Variants in VRTN observed in about 807,000 individuals in gnomAD.
VRTN encodes vertnin.
In VRTN, 5 loss-of-function variants were observed where a neutral mutation model predicts 18.2. That is an observed-to-expected ratio of 0.27 (90% CI 0.14 to 0.58). The LOEUF (loss-of-function observed/expected upper bound fraction) is 0.58. Ranked by LOEUF, VRTN falls within the 20% of genes least tolerant of loss-of-function variation. The probability of loss-of-function intolerance (pLI) is 0.91; values close to 1 mark genes in which losing one functional copy is unlikely to be tolerated. For missense variants in VRTN, 741 were observed against 939.4 expected (o/e 0.79, Z 2.76); for synonymous variants, 381 against 393.7 (o/e 0.97, Z 0.38).
intron 1 of VRTN, among the ~76,000 whole-genome samples, chr14:74,323,612 C>CA (rs926100306): frequency 2.7e-5 from 4 of 150,770 alleles, no homozygotes; most frequent in African/African-American, 7.3e-5. Context: ...AACAAACAAA[C>CA]AAAAAAAACC....
At chr14:74,328,917 C>G (rs947793464) in intron 1 of VRTN, among the ~76,000 whole-genome samples, 1 of 152,018 alleles carries the variant, frequency 6.6e-6, no homozygotes, top group African/African-American at 2.4e-5. Flanking sequence ...GGCGGATCAC[C>G]TGAGGTCAGG....
chr14:74,333,360 G>C (rs1176014481), intron 1 of VRTN, among the ~76,000 whole-genome samples: 1 of 152,072 alleles, frequency 6.6e-6, no homozygotes, highest in Non-Finnish European at 1.5e-5. Context: ...TCCAGCCTGG[G>C]CGACAGAGCG....
At chr14:74,340,812 G>A (rs139229970) in intron 2 of VRTN, among the ~76,000 whole-genome samples, 5,792 of 152,076 alleles carry the variant, frequency 0.038, 183 homozygotes, top group Admixed American at 0.11. Flanking sequence ...GTGCAGTGAC[G>A]CAATCTCAGC....
intron 1 of VRTN, among the ~76,000 whole-genome samples, chr14:74,328,872 C>G (rs187942635): frequency 6.6e-6 from 1 of 151,264 alleles, no homozygotes; most frequent in Non-Finnish European, 1.5e-5. Flanking sequence ...CAGTGGCTCA[C>G]GCCTGTAATC....
intron 2 of VRTN, among the ~76,000 whole-genome samples, chr14:74,339,729 G>A (rs1398552980): frequency 1.3e-5 from 2 of 152,084 alleles, no homozygotes; most frequent in Non-Finnish European, 2.9e-5. Context: ...CGGGAGGATC[G>A]ATTGAGCCCA....
At chr14:74,348,752 T>G (rs1033315031) in intron 1 of VRTN, 100 bp downstream of exon 1, 3 of 152,366 alleles carry the variant, frequency 2.0e-5, no homozygotes, top group South Asian at 4.1e-4. Context: ...GGGACCCTAC[T>G]GGGCCCAGGT....
chr14:74,346,835 AAC>A (rs2085647494), upstream of VRTN, among the ~76,000 whole-genome samples: 1 of 152,206 alleles, frequency 6.6e-6, no homozygotes, highest in African/African-American at 2.4e-5. Flanking sequence ...CTTTTTAAAA[AAC>A]ACTTTGAAAG....
intron 1 of VRTN, among the ~76,000 whole-genome samples, chr14:74,331,529 CA>C (rs1327886573): frequency 0.033 from 2,076 of 63,164 alleles, 135 homozygotes; most frequent in Admixed American, 0.18. Context: ...AACTCCATCT[CA>C]AAAAAAAAAA....
At chr14:74,354,497 C>T (rs755012981) in intron 1 of VRTN, among the ~76,000 whole-genome samples, 2 of 151,948 alleles carry the variant, frequency 1.3e-5, no homozygotes, top group Non-Finnish European at 1.5e-5. Flanking sequence ...CTCTGCCTCC[C>T]GGGTTCAAGC....
At chr14:74,329,410 A>G (rs2085507737) in intron 1 of VRTN, among the ~76,000 whole-genome samples, 1 of 151,694 alleles carries the variant, frequency 6.6e-6, no homozygotes. Context: ...CACCACGAAT[A>G]GCTAGTGGTT....
chr14:74,315,953 C>G (rs960318805), intron 1 of VRTN, among the ~76,000 whole-genome samples: 1 of 152,168 alleles, frequency 6.6e-6, no homozygotes, highest in African/African-American at 2.4e-5. Flanking sequence ...CTACCCCACC[C>G]CAATCAGTCA....
At chr14:74,355,846 T>C (rs2085723487) in intron 1 of VRTN, among the ~76,000 whole-genome samples, 1 of 151,260 alleles carries the variant, frequency 6.6e-6, no homozygotes, top group Non-Finnish European at 1.5e-5. Context: ...TTTTTTTTTT[T>C]CTGAGACAGA....
chr14:74,324,614 G>T (rs1036902765), intron 1 of VRTN, among the ~76,000 whole-genome samples: 8 of 151,484 alleles, frequency 5.3e-5, no homozygotes, highest in African/African-American at 1.9e-4. Context: ...CAGGCCGGGT[G>T]TGGTGGCTCA....
chr14:74,332,680 T>A (rs945751482), intron 1 of VRTN, among the ~76,000 whole-genome samples: 1 of 151,956 alleles, frequency 6.6e-6, no homozygotes, highest in African/African-American at 2.4e-5. Context: ...TTTTCTTCAC[T>A]TCCTTTAACA....
chr14:74,330,020 T>G (rs568212690), intron 1 of VRTN, among the ~76,000 whole-genome samples: 2 of 152,054 alleles, frequency 1.3e-5, no homozygotes, highest in South Asian at 4.2e-4. Context: ...TACAGGCACG[T>G]GTCACCATGC....
intron 1 of VRTN, among the ~76,000 whole-genome samples, chr14:74,319,225 G>A (rs1441270480): frequency 6.6e-6 from 1 of 151,490 alleles, no homozygotes; most frequent in East Asian, 1.9e-4. Flanking sequence ...GTAGAGATGG[G>A]GTTTCACTAT....
intron 1 of VRTN, among the ~76,000 whole-genome samples, chr14:74,312,407 G>A (rs2085393859): frequency 6.6e-6 from 1 of 151,988 alleles, no homozygotes; most frequent in African/African-American, 2.4e-5. Flanking sequence ...GAGAGCAAAA[G>A]GCAGTTTGAC....
rs992587769 is a variant in VRTN, at chr14:74,359,000, A to G, written c.*108A>G. On this transcript the variant is annotated 3_prime_UTR_variant, in exon 2 of 2. Transcript: ENST00000256362. This position sits in a 1 kb window ranked among gnomAD's most constrained non-coding sequence, Gnocchi z 5.4. ...GGATGTCCTTTGCTCTGGGTCCCAC[A>G]GTGTCTACCCTAAGTCCAAGGGTAT... is the stretch of plus-strand genomic sequence containing the variant. The G allele has an allele frequency of 9.6e-6, 14 of 1,464,348 alleles. No homozygotes were observed. The African/African-American group carries it at 1.1e-4, about 12-fold the overall frequency. The allele number at this position is 1,464,348 out of a possible 1,614,324, so 90.7% of individuals were successfully genotyped here. A position where few individuals can be genotyped will look rare whatever the true frequency, so the allele number is the denominator to read the frequency against.
chr14:74,305,263 C>T (rs1386447080), intron 1 of VRTN, among the ~76,000 whole-genome samples: 1 of 148,440 alleles, frequency 6.7e-6, no homozygotes, highest in Non-Finnish European at 1.5e-5. Context: ...ACCCAGGAGG[C>T]GGAGGTTGCA....
Sources: gnomAD v4.1 joint callset for allele counts (sites outside exome capture counted in the v4.1 genomes callset) on GRCh38, gnomAD v4.1.1 for gene constraint, Gnocchi (gnomAD v3.1) non-coding constraint, MANE v1.5 for transcripts, NCBI Gene and HGNC (gene_info 2026-07-23, HGNC 2026-07-21) for gene names.